ENTREP2: variants seen among roughly 807,000 people sequenced by gnomAD.
ENTREP2 encodes the protein protein ENTREP2.
the ENTREP2 span, among the ~76,000 whole-genome samples, chr15:29,276,943 T>C: frequency 6.6e-6 from 1 of 152,366 alleles, no homozygotes; most frequent in Admixed American, 6.5e-5. Context: ...ATTTTTGTTA[T>C]GTTTCTTCCC....
the ENTREP2 span, among the ~76,000 whole-genome samples, chr15:29,579,362 A>T: frequency 6.6e-6 from 1 of 152,170 alleles, no homozygotes; most frequent in South Asian, 2.1e-4. Context: ...AATTGCTGAG[A>T]CGTAATTCTT....
chr15:29,608,522 T>TTA, the ENTREP2 span, among the ~76,000 whole-genome samples: 57 of 140,546 alleles, frequency 4.1e-4, no homozygotes, highest in East Asian at 1.1e-3. Flanking sequence ...TCCTGCCTTC[T>TTA]TTATTATTAT....
chr15:29,442,498 A>T, the ENTREP2 span, among the ~76,000 whole-genome samples: 1 of 152,144 alleles, frequency 6.6e-6, no homozygotes, highest in Admixed American at 6.5e-5. Context: ...AAGAGGGGGA[A>T]CTCTGTGGGC....
chr15:29,360,609 C>T, the ENTREP2 span, among the ~76,000 whole-genome samples: 1 of 152,148 alleles, frequency 6.6e-6, no homozygotes, highest in African/African-American at 2.4e-5. Flanking sequence ...CTCACTGCAC[C>T]TCCCACTCTC....
chr15:29,190,372 CAG>C, the ENTREP2 span, among the ~76,000 whole-genome samples: 3 of 150,462 alleles, frequency 2.0e-5, no homozygotes, highest in African/African-American at 7.3e-5. Flanking sequence ...AAAAAAAAAA[CAG>C]AGAATCTAGG....
chr15:29,454,126 T>G, the ENTREP2 span, among the ~76,000 whole-genome samples: 1 of 152,190 alleles, frequency 6.6e-6, no homozygotes, highest in African/African-American at 2.4e-5. Flanking sequence ...AGAATAATTA[T>G]GAGACTGCAC....
At chr15:29,320,894 G>T in the ENTREP2 span, among the ~76,000 whole-genome samples, 1 of 152,090 alleles carries the variant, frequency 6.6e-6, no homozygotes, top group East Asian at 1.9e-4. Context: ...AAGAACAGTT[G>T]TATAATTTCA....
At chr15:29,244,090 G>T in the ENTREP2 span, among the ~76,000 whole-genome samples, 1 of 152,172 alleles carries the variant, frequency 6.6e-6, no homozygotes, top group Non-Finnish European at 1.5e-5. Flanking sequence ...TACCTTCTCA[G>T]CACCAGGACC....
At chr15:29,638,133 G>C in the ENTREP2 span, among the ~76,000 whole-genome samples, 4 of 152,326 alleles carry the variant, frequency 2.6e-5, no homozygotes, top group East Asian at 3.9e-4. Context: ...AGGGGAAAGG[G>C]AAATCAAAAG....
chr15:29,218,304 A>C, the ENTREP2 span, among the ~76,000 whole-genome samples: 1 of 152,200 alleles, frequency 6.6e-6, no homozygotes, highest in Non-Finnish European at 1.5e-5. Flanking sequence ...GCAGGGCCCT[A>C]GAACTCCTAA....
At chr15:29,622,311 T>C in the ENTREP2 span, among the ~76,000 whole-genome samples, 1 of 152,140 alleles carries the variant, frequency 6.6e-6, no homozygotes, top group South Asian at 2.1e-4. Context: ...GTTCAAGCAA[T>C]TCTCCTGCTT....
chr15:29,416,108 G>C, the ENTREP2 span, among the ~76,000 whole-genome samples: 1 of 152,096 alleles, frequency 6.6e-6, no homozygotes, highest in Admixed American at 6.5e-5. Flanking sequence ...TCCCCATCAA[G>C]CTACCAATGG....
At chr15:29,643,780 CAA>C in the ENTREP2 span, among the ~76,000 whole-genome samples, 18 of 70,118 alleles carry the variant, frequency 2.6e-4, no homozygotes, top group Non-Finnish European at 2.7e-4. Flanking sequence ...GACTCTGTCT[CAA>C]AAAAAAAAAA....
At chr15:29,204,431 G>C in the ENTREP2 span, among the ~76,000 whole-genome samples, 1 of 152,224 alleles carries the variant, frequency 6.6e-6, no homozygotes, top group African/African-American at 2.4e-5. Flanking sequence ...GAGCAGGGCA[G>C]AGGGCTGGGA....
chr15:29,670,312 A>G, the ENTREP2 span, among the ~76,000 whole-genome samples: 1 of 152,132 alleles, frequency 6.6e-6, no homozygotes, highest in Non-Finnish European at 1.5e-5. Context: ...CTCTGCCTAG[A>G]AGTAAGATGG....
the ENTREP2 span, among the ~76,000 whole-genome samples, chr15:29,617,601 C>T: frequency 6.6e-6 from 1 of 152,216 alleles, no homozygotes; most frequent in African/African-American, 2.4e-5. Context: ...AATCCATCAA[C>T]CTACGCCATC....
the ENTREP2 span, among the ~76,000 whole-genome samples, chr15:29,320,723 G>GT: frequency 1.3e-5 from 2 of 152,150 alleles, no homozygotes; most frequent in Non-Finnish European, 2.9e-5. Context: ...CAAAAACACT[G>GT]TAACAGAAAT....
chr15:29,378,808 T>C, the ENTREP2 span, among the ~76,000 whole-genome samples: 23 of 152,350 alleles, frequency 1.5e-4, no homozygotes, highest in Admixed American at 1.3e-4. Context: ...CGTGTGTATA[T>C]CTATCTATAT....
chr15:29,195,348 A>C, the ENTREP2 span: 13 of 984,584 alleles, frequency 1.3e-5, no homozygotes, highest in South Asian at 4.7e-4. Context: ...GACTAATCAC[A>C]AGCACTCAAG....
Sources: allele counts gnomAD v4.1 joint callset (sites outside exome capture counted in the v4.1 genomes callset), GRCh38; gene constraint gnomAD v4.1.1; transcripts MANE v1.5; gene names NCBI Gene and HGNC (gene_info 2026-07-23, HGNC 2026-07-21).